KCNK10: variants seen among roughly 807,000 people sequenced by gnomAD.
KCNK10 encodes potassium two pore domain channel subfamily K member 10.
Under a neutral mutation model 47.7 loss-of-function variants are expected in KCNK10, and 25 were observed. The ratio of observed to expected loss-of-function variants is 0.52; its 90% CI spans 0.38 to 0.73. The LOEUF is 0.73. Among genes scored for constraint, KCNK10 ranks in the 30% least tolerant of loss-of-function variants. The pLI is 0.00. For missense variants in KCNK10, 563 were observed against 714.5 expected (o/e 0.79, Z 2.42); for synonymous variants, 303 against 285.6 (o/e 1.06, Z -0.61).
intron 4 of KCNK10, among the ~76,000 whole-genome samples, chr14:88,208,891 G>A (rs1295279055): frequency 6.6e-6 from 1 of 152,156 alleles, no homozygotes; most frequent in African/African-American, 2.4e-5. Context: ...GGACCTGGGG[G>A]TGGGGAGTGG....
At chr14:88,313,743 G>C (rs921012428) in intron 1 of KCNK10, among the ~76,000 whole-genome samples, 1 of 152,130 alleles carries the variant, frequency 6.6e-6, no homozygotes, top group African/African-American at 2.4e-5. Flanking sequence ...CTGAATTATT[G>C]ATCCACAGAA....
chr14:88,290,646 T>C (rs1887855960), intron 1 of KCNK10, among the ~76,000 whole-genome samples: 2 of 152,210 alleles, frequency 1.3e-5, no homozygotes, highest in African/African-American at 2.4e-5. Context: ...GCCCAAAGCC[T>C]CAAAACTTAT....
At chr14:88,318,005 C>G (rs1217503871) in intron 1 of KCNK10, among the ~76,000 whole-genome samples, 1 of 152,222 alleles carries the variant, frequency 6.6e-6, no homozygotes, top group Non-Finnish European at 1.5e-5. Context: ...CAGGCTAGAT[C>G]AGTCCACCCA....
intron 4 of KCNK10, among the ~76,000 whole-genome samples, chr14:88,213,678 A>C (rs1885528520): frequency 6.6e-6 from 1 of 152,130 alleles, no homozygotes; most frequent in Non-Finnish European, 1.5e-5. Context: ...ACTGATAATG[A>C]ATACCCATAA....
intron 2 of KCNK10, 126 bp from the exon 3 acceptor site, chr14:88,240,946 C>G: frequency 3.4e-6 from 2 of 582,486 alleles, no homozygotes; most frequent in South Asian, 4.3e-5. Context: ...CTAGAGAGAA[C>G]TGGTTAAGTG....
rs568962051 is a variant in KCNK10 at position 88,222,373 on chromosome 14, T to C, written c.681+5002A>G. ...AAGACAAAACTAATAAAAACATGAG[T>C]CATTGTCAAAGGTTAGGAGAACGGG... On this transcript the variant is annotated intron_variant, in intron 4 of 6. Transcript: ENST00000319231. 1.2e-4 allele frequency among the ~76,000 whole-genome samples: 18 copies of C among 152,032 alleles called. No homozygotes were observed. The South Asian group carries it at 3.8e-3, about 32-fold the overall frequency.
intron 1 of KCNK10, among the ~76,000 whole-genome samples, chr14:88,272,288 T>C (rs1298806741): frequency 6.6e-6 from 1 of 152,168 alleles, no homozygotes; most frequent in African/African-American, 2.4e-5. Context: ...ACGTGTTCTA[T>C]GCAAGCAAAT....
At chr14:88,242,285 G>C (rs1324821280) in intron 2 of KCNK10, among the ~76,000 whole-genome samples, 3 of 152,146 alleles carry the variant, frequency 2.0e-5, no homozygotes, top group Admixed American at 2.0e-4. Context: ...CTGAACCAGG[G>C]ATCAACAACT....
intron 1 of KCNK10, among the ~76,000 whole-genome samples, chr14:88,288,173 T>G (rs897800249): frequency 1.3e-5 from 2 of 152,208 alleles, no homozygotes; most frequent in Non-Finnish European, 2.9e-5. Flanking sequence ...AGTATGCCCC[T>G]TCTAAAGCAA....
At chr14:88,314,047 G>T (rs980700088) in intron 1 of KCNK10, among the ~76,000 whole-genome samples, 2 of 152,210 alleles carry the variant, frequency 1.3e-5, no homozygotes, top group Non-Finnish European at 2.9e-5. Flanking sequence ...TGAAGTGGTT[G>T]TTATTGTGAT....
intron 1 of KCNK10, among the ~76,000 whole-genome samples, chr14:88,311,908 G>A (rs73314214): frequency 0.01 from 1,586 of 152,134 alleles, 30 homozygotes; most frequent in African/African-American, 0.037. Flanking sequence ...CCAGAAGGGG[G>A]GCACAGTGGC....
intron 4 of KCNK10, among the ~76,000 whole-genome samples, chr14:88,213,576 C>A (rs1430491096): frequency 6.6e-6 from 1 of 152,028 alleles, no homozygotes; most frequent in Non-Finnish European, 1.5e-5. Context: ...TTTCACTAGC[C>A]CCAAAATGCA....
At chr14:88,280,323 C>T (rs971611424) in intron 1 of KCNK10, among the ~76,000 whole-genome samples, 1 of 152,130 alleles carries the variant, frequency 6.6e-6, no homozygotes, top group African/African-American at 2.4e-5. Context: ...CACCCTCTCT[C>T]GTTGGGTCTT....
intron 3 of KCNK10, among the ~76,000 whole-genome samples, chr14:88,232,945 C>T (rs1164253097): frequency 6.6e-6 from 1 of 152,160 alleles, no homozygotes; most frequent in African/African-American, 2.4e-5. Context: ...ATGGCTCTGC[C>T]TAAGACTTTA....
chr14:88,204,166 CGA>C (rs1885191453), intron 4 of KCNK10, among the ~76,000 whole-genome samples: 1 of 151,932 alleles, frequency 6.6e-6, no homozygotes, highest in South Asian at 2.1e-4. Flanking sequence ...TAGGAGAGAG[CGA>C]GAGGGAGAGG....
chr14:88,218,256 T>C (rs1296853550), intron 4 of KCNK10, among the ~76,000 whole-genome samples: 1 of 152,176 alleles, frequency 6.6e-6, no homozygotes, highest in East Asian at 1.9e-4. Context: ...ATTGTGTTCT[T>C]AAAAGCCTCT....
At position 88,260,889 on chromosome 14, in the gene KCNK10, CAAA is replaced by C. The variant is rs1887091534; in HGVS notation, c.402+2310_402+2312del. Among the ~76,000 whole-genome samples the C allele has an allele frequency of 1.3e-5, 2 of 152,292 alleles. No homozygotes were observed. Among genetic ancestry groups the C allele is most frequent in the South Asian group, 4.1e-4 (2 of 4,820 alleles). On this transcript the variant is annotated intron_variant, in intron 2 of 6. Transcript: ENST00000319231. The surrounding 1 kb of genome is among the most constrained non-coding windows in gnomAD (Gnocchi z 4.5). ...CATTTCACAGAGAAATCTTTGAGGT[CAAA>C]ACAGGACACCAGTCTTAATGGCAGC...
chr14:88,241,712 G>A (rs971437148), intron 2 of KCNK10, among the ~76,000 whole-genome samples: 2 of 152,252 alleles, frequency 1.3e-5, no homozygotes, highest in Admixed American at 1.3e-4. Context: ...TCCCACAAAC[G>A]GTGCCCATCC....
In KCNK10 at chr14:88,263,492, G is replaced by C; in HGVS notation, c.112C>G (p.Pro38Ala). The C allele has an allele frequency of 6.2e-7, 1 of 1,613,748 alleles. No individual in the cohort carries two copies. Among genetic ancestry groups the C allele is most frequent in the Non-Finnish European group, 8.5e-7 (1 of 1,180,032 alleles). ...GGAGTTGGAGTCGGAGCCGGAGCCG[G>C]GGGTTGCCCGTTAGTGGCGCTCTTG... ...QPKSATNGQPPAPAPTPTPRL... is the reference protein window; with the variant it reads ...QPKSATNGQPAAPAPTPTPRL... The change falls in exon 2 of 7, where the codon CCG (proline) becomes GCG (alanine). Residue 38 changes from proline to alanine, a missense_variant. Physicochemically the swap from Pro to Ala is conservative, Grantham distance 27 (BLOSUM62 -1). Transcript: ENST00000319231.
Sources: gnomAD v4.1 joint callset for allele counts (sites outside exome capture counted in the v4.1 genomes callset) on GRCh38, gnomAD v4.1.1 for gene constraint, Gnocchi (gnomAD v3.1) non-coding constraint, MANE v1.5 for transcripts, NCBI Gene and HGNC (gene_info 2026-07-23, HGNC 2026-07-21) for gene names.